INPP4B: variants seen among roughly 807,000 people sequenced by gnomAD.
INPP4B encodes inositol polyphosphate-4-phosphatase type II B.
Under a neutral mutation model 122.5 loss-of-function variants are expected in INPP4B, and 55 were observed. That is an observed-to-expected ratio of 0.45 (90% CI 0.36 to 0.56). The LOEUF (loss-of-function observed/expected upper bound fraction) is 0.56. INPP4B is among the 20% of genes least tolerant of loss of function. The pLI is 0.00. For synonymous variants in INPP4B, 403 were observed against 388.7 expected (o/e 1.04, Z -0.43); for missense variants, 1,000 against 1,097.7 (o/e 0.91, Z 1.26).
At chr4:142,815,820 G>A (rs1211904339) in intron 1 of INPP4B, among the ~76,000 whole-genome samples, 1 of 152,120 alleles carries the variant, frequency 6.6e-6, no homozygotes, top group African/African-American at 2.4e-5. Context: ...TAAAGGGTAG[G>A]TGAGAAACCT....
chr4:142,617,483 G>T (rs1037511289), intron 2 of INPP4B, among the ~76,000 whole-genome samples: 1 of 152,056 alleles, frequency 6.6e-6, no homozygotes, highest in Non-Finnish European at 1.5e-5. Flanking sequence ...GCAAGACCAG[G>T]ACAGCACCAG....
chr4:142,545,804 T>C lies in INPP4B; in HGVS notation c.-190-83078A>G, dbSNP rs577479791. On this transcript the variant is annotated intron_variant, in intron 2 of 25. Coordinates refer to ENST00000262992, the MANE Select transcript of INPP4B (RefSeq NM_001101669.3). ...ACACATATATATGTGTGTATATATA[T>C]ACACATATACATGTGTGTATATATA... 1.4e-4 allele frequency among the ~76,000 whole-genome samples: 15 copies of C among 104,802 alleles called. 1 individual carries two copies. Among genetic ancestry groups the C allele is most frequent in the Non-Finnish European group, 2.3e-4 (10 of 44,078 alleles). 68.8% of individuals were successfully genotyped at this position (104,802 alleles called of 152,430 possible). A position where few individuals can be genotyped will look rare whatever the true frequency, so the allele number is the denominator to read the frequency against.
At chr4:142,661,524 G>A (rs1272748274) in intron 2 of INPP4B, among the ~76,000 whole-genome samples, 1 of 152,146 alleles carries the variant, frequency 6.6e-6, no homozygotes, top group Non-Finnish European at 1.5e-5. Context: ...ACAGTAGTAG[G>A]TAATGTTTGA....
intron 3 of INPP4B, among the ~76,000 whole-genome samples, chr4:142,442,429 A>G (rs1464420617): frequency 9.3e-5 from 14 of 150,924 alleles, no homozygotes; most frequent in Admixed American, 2.6e-4. Flanking sequence ...AAAAAAAAAA[A>G]AGAGAGAGAA....
At chr4:142,155,023 T>TACATATATTAATATATATACAC (rs1816429572) in intron 17 of INPP4B, among the ~76,000 whole-genome samples, 1 of 151,414 alleles carries the variant, frequency 6.6e-6, no homozygotes, top group Non-Finnish European at 1.5e-5. Flanking sequence ...TATATATATA[T>TACATATATTAATATATATACAC]ACATATATTA....
chr4:142,297,366 G>T (rs1460563883), intron 9 of INPP4B, among the ~76,000 whole-genome samples: 1 of 152,194 alleles, frequency 6.6e-6, no homozygotes. Flanking sequence ...AACATAGTTT[G>T]GATGTCCGCT....
At chr4:142,633,122 C>A (rs1379154837) in intron 2 of INPP4B, among the ~76,000 whole-genome samples, 1 of 151,816 alleles carries the variant, frequency 6.6e-6, no homozygotes, top group African/African-American at 2.4e-5. Context: ...AAAAAGCAAT[C>A]TCTAAGTCAA....
intron 7 of INPP4B, among the ~76,000 whole-genome samples, chr4:142,323,309 G>T (rs982282369): frequency 6.6e-6 from 1 of 152,134 alleles, no homozygotes; most frequent in African/African-American, 2.4e-5. Context: ...ATTCATTTAT[G>T]TGTACATTAA....
chr4:142,605,699 A>G (rs1741091434), intron 2 of INPP4B, among the ~76,000 whole-genome samples: 1 of 151,996 alleles, frequency 6.6e-6, no homozygotes, highest in Non-Finnish European at 1.5e-5. Flanking sequence ...ATCATTAATC[A>G]TATGGGAAAC....
chr4:142,030,799 A>G (rs1230911177), intron 25 of INPP4B, among the ~76,000 whole-genome samples: 4 of 152,166 alleles, frequency 2.6e-5, no homozygotes, highest in Non-Finnish European at 4.4e-5. Context: ...AGTTATAAAA[A>G]TGATTTATTG....
At chr4:142,731,039 C>T (rs1188043261) in intron 1 of INPP4B, among the ~76,000 whole-genome samples, 6 of 151,902 alleles carry the variant, frequency 3.9e-5, no homozygotes, top group Admixed American at 6.6e-5. Context: ...TAGGTAAACG[C>T]GTGCCATGCT....
chr4:142,149,853 C>T (rs1049297953), intron 17 of INPP4B, among the ~76,000 whole-genome samples: 1 of 152,122 alleles, frequency 6.6e-6, no homozygotes, highest in Non-Finnish European at 1.5e-5. Flanking sequence ...AGGTTCAAGG[C>T]CCCAGATCCA....
At chr4:142,413,006 A>G (rs1804929391) in intron 5 of INPP4B, among the ~76,000 whole-genome samples, 2 of 152,194 alleles carry the variant, frequency 1.3e-5, no homozygotes, top group South Asian at 2.1e-4. Flanking sequence ...TTATAGAAAC[A>G]AAACAAAAAT....
intron 12 of INPP4B, among the ~76,000 whole-genome samples, chr4:142,229,863 T>C (rs1344905908): frequency 2.6e-5 from 4 of 152,198 alleles, no homozygotes; most frequent in Non-Finnish European, 5.9e-5. Flanking sequence ...AGAAGGAAAG[T>C]AAAATTCTAA....
chr4:142,714,912 T>C (rs1763570238), intron 2 of INPP4B, among the ~76,000 whole-genome samples: 1 of 152,292 alleles, frequency 6.6e-6, no homozygotes, highest in South Asian at 2.1e-4. Flanking sequence ...CAGAAACTAA[T>C]GTTAATAAGA....
At chr4:142,635,825 A>C (rs1749027387) in intron 2 of INPP4B, among the ~76,000 whole-genome samples, 1 of 152,090 alleles carries the variant, frequency 6.6e-6, no homozygotes, top group Non-Finnish European at 1.5e-5. Context: ...TTTACCTACA[A>C]AACAAACCTT....
intron 2 of INPP4B, among the ~76,000 whole-genome samples, chr4:142,480,237 G>A (rs1480652936): frequency 6.6e-6 from 1 of 152,174 alleles, no homozygotes; most frequent in African/African-American, 2.4e-5. Flanking sequence ...GTAAATTCTA[G>A]TTTTAGTAAT....
intron 12 of INPP4B, among the ~76,000 whole-genome samples, chr4:142,236,946 T>C (rs1168651820): frequency 6.6e-6 from 1 of 152,188 alleles, no homozygotes; most frequent in Non-Finnish European, 1.5e-5. Context: ...TTTAATGAGA[T>C]TTAGAACCTT....
chr4:142,720,785 C>A (rs1348811081), intron 2 of INPP4B, among the ~76,000 whole-genome samples: 1 of 17,912 alleles, frequency 5.6e-5, no homozygotes, highest in Non-Finnish European at 1.1e-4. Context: ...CTCTCTCTCT[C>A]TCTCTCTCTC....
Sources: allele counts gnomAD v4.1 joint callset (sites outside exome capture counted in the v4.1 genomes callset), GRCh38; gene constraint gnomAD v4.1.1; transcripts MANE v1.5; gene names NCBI Gene and HGNC (gene_info 2026-07-23, HGNC 2026-07-21).